BCL2L1: variants seen among roughly 807,000 people sequenced by gnomAD.
BCL2L1 encodes the protein bcl-2-like protein 1.
BCL2L1 carries 1 observed loss-of-function variant against 18.7 expected under a neutral mutation model. The ratio of observed to expected loss-of-function variants is 0.05; its 90% CI spans 0.02 to 0.25. The LOEUF (loss-of-function observed/expected upper bound fraction) is 0.25, where lower values mean the gene tolerates loss of function less well. BCL2L1 is among the 10% of genes least tolerant of loss of function. The pLI, the probability that BCL2L1 is intolerant of heterozygous loss-of-function variation, is 1.00. For missense variants in BCL2L1, 207 were observed against 304.9 expected (o/e 0.68, Z 2.39); for synonymous variants, 103 against 122.7 (o/e 0.84, Z 1.06).
At chr20:31,704,580 C>T (rs768071560) in intron 2 of BCL2L1, among the ~76,000 whole-genome samples, 9 of 152,060 alleles carry the variant, frequency 5.9e-5, no homozygotes, top group South Asian at 2.1e-4. Context: ...TGCCCTTGGC[C>T]GGAGTAGGGA....
intron 2 of BCL2L1, 74 bp from the exon 3 acceptor site, chr20:31,666,160 C>A (rs1484207674): frequency 6.4e-7 from 1 of 1,551,620 alleles, no homozygotes; most frequent in Non-Finnish European, 8.8e-7. Context: ...AAGGGGCCAT[C>A]TGCATGCTAT....
At chr20:31,681,176 G>A (rs186774507) in intron 2 of BCL2L1, among the ~76,000 whole-genome samples, 1 of 152,366 alleles carries the variant, frequency 6.6e-6, no homozygotes, top group African/African-American at 2.4e-5. Context: ...GGAAAGCACT[G>A]TAGGGTTTTG....
intron 2 of BCL2L1, among the ~76,000 whole-genome samples, chr20:31,676,017 G>T (rs1041343183): frequency 6.6e-6 from 1 of 152,160 alleles, no homozygotes; most frequent in African/African-American, 2.4e-5. Flanking sequence ...GGTTGTGCCG[G>T]GAGGAGATAA....
intron 2 of BCL2L1, among the ~76,000 whole-genome samples, chr20:31,692,976 C>G (rs1246717019): frequency 1.4e-5 from 2 of 146,354 alleles, no homozygotes; most frequent in African/African-American, 5.1e-5. Flanking sequence ...GAGACTGAGG[C>G]AGAAGAACCG....
At chr20:31,666,153 G>A in intron 2 of BCL2L1, 67 bp from the exon 3 acceptor site, 1 of 1,579,480 alleles carries the variant, frequency 6.3e-7, no homozygotes, top group Admixed American at 1.7e-5. Context: ...GTGGGGAAAG[G>A]GGCCATCTGC....
At chr20:31,710,030 A>T (rs1437498903) in intron 2 of BCL2L1, among the ~76,000 whole-genome samples, 1 of 152,030 alleles carries the variant, frequency 6.6e-6, no homozygotes, top group Non-Finnish European at 1.5e-5. Flanking sequence ...TAAACCCATC[A>T]TGGTCCACAT....
chr20:31,720,955 G>A (rs1401727986), intron 2 of BCL2L1: 2 of 985,320 alleles, frequency 2.0e-6, no homozygotes, highest in Non-Finnish European at 2.4e-6. Flanking sequence ...GGCTTAATGT[G>A]TGACACAGCA....
chr20:31,710,621 C>T (rs534431761), intron 2 of BCL2L1, among the ~76,000 whole-genome samples: 2 of 152,246 alleles, frequency 1.3e-5, no homozygotes, highest in East Asian at 3.9e-4. Flanking sequence ...CCTCTGGGCC[C>T]AGTAATCAAC....
At chr20:31,680,748 T>C (rs1453062870) in intron 2 of BCL2L1, among the ~76,000 whole-genome samples, 3 of 152,126 alleles carry the variant, frequency 2.0e-5, no homozygotes, top group South Asian at 4.1e-4. Flanking sequence ...AGTGACTAAA[T>C]AGAATGAAAA....
chr20:31,704,654 C>G (rs1017680087), intron 2 of BCL2L1, among the ~76,000 whole-genome samples: 5 of 152,102 alleles, frequency 3.3e-5, no homozygotes, highest in Non-Finnish European at 7.4e-5. Flanking sequence ...GGTGGGAATC[C>G]CATCTTGGAA....
chr20:31,700,287 C>T (rs1309131279), intron 2 of BCL2L1, among the ~76,000 whole-genome samples: 1 of 152,214 alleles, frequency 6.6e-6, no homozygotes, highest in East Asian at 1.9e-4. Flanking sequence ...TGGCCCCACA[C>T]TTAACTCCTC....
intron 2 of BCL2L1, among the ~76,000 whole-genome samples, chr20:31,709,369 T>G (rs1396484190): frequency 1.3e-5 from 2 of 151,522 alleles, no homozygotes; most frequent in African/African-American, 2.4e-5. Context: ...ATCTTTTTGG[T>G]GTGTGTGTGT....
chr20:31,700,732 G>T (rs563918694), intron 2 of BCL2L1, among the ~76,000 whole-genome samples: 1 of 152,264 alleles, frequency 6.6e-6, no homozygotes, highest in South Asian at 2.1e-4. Context: ...TTTATTGTTG[G>T]CTTTTACAAG....
intron 2 of BCL2L1, chr20:31,713,195 G>C: frequency 1.1e-6 from 1 of 910,294 alleles, no homozygotes; most frequent in Non-Finnish European, 1.3e-6. Context: ...AGAGAACCCA[G>C]GAATTCTAAC....
intron 2 of BCL2L1, among the ~76,000 whole-genome samples, chr20:31,705,235 T>C (rs191697347): frequency 1.1e-4 from 17 of 152,354 alleles, no homozygotes; most frequent in African/African-American, 4.1e-4. Flanking sequence ...AACTATCTCA[T>C]ATAAAACACT....
chr20:31,669,098 C>T (rs1040803118), intron 2 of BCL2L1, among the ~76,000 whole-genome samples: 1 of 152,012 alleles, frequency 6.6e-6, no homozygotes, highest in African/African-American at 2.4e-5. Flanking sequence ...CTCTGTTACT[C>T]AGGTTAGACT....
chr20:31,670,857 C>A (rs1353740502), intron 2 of BCL2L1, among the ~76,000 whole-genome samples: 1 of 152,208 alleles, frequency 6.6e-6, no homozygotes, highest in Non-Finnish European at 1.5e-5. Flanking sequence ...GAGCCATTTT[C>A]TCAGCAGGCG....
At chr20:31,668,667 C>T (rs1005428174) in intron 2 of BCL2L1, among the ~76,000 whole-genome samples, 8 of 148,234 alleles carry the variant, frequency 5.4e-5, no homozygotes, top group Non-Finnish European at 1.2e-4. Flanking sequence ...TACAATGGCG[C>T]GATCTCAGCT....
chr20:31,669,868 T>C (rs114865165), intron 2 of BCL2L1, among the ~76,000 whole-genome samples: 46 of 151,864 alleles, frequency 3.0e-4, no homozygotes, highest in African/African-American at 1.1e-3. Context: ...GTCTACTACA[T>C]GTCAGGCATT....
Sources: allele counts gnomAD v4.1 joint callset (sites outside exome capture counted in the v4.1 genomes callset), GRCh38; gene constraint gnomAD v4.1.1; transcripts MANE v1.5; gene names NCBI Gene and HGNC (gene_info 2026-07-23, HGNC 2026-07-21).